CSMD1: variants seen among roughly 807,000 people sequenced by gnomAD.
CSMD1 encodes the protein CUB and sushi domain-containing protein 1.
In CSMD1, 213 loss-of-function variants were observed where a neutral mutation model predicts 417.5. The ratio of observed to expected loss-of-function variants is 0.51; its 90% confidence interval spans 0.46 to 0.57. The LOEUF is 0.57. Ranked by LOEUF, CSMD1 falls within the 20% of genes least tolerant of loss-of-function variation. The pLI, the probability that CSMD1 is intolerant of heterozygous loss-of-function variation, is 0.00. For missense variants in CSMD1, 6,923 were observed against 4,529.7 expected (o/e 1.53, Z -15.17); for synonymous variants, 2,862 against 1,736.8 (o/e 1.65, Z -16.11).
intron 6 of CSMD1, among the ~76,000 whole-genome samples, chr8:3,740,155 G>C (rs569524776): frequency 6.6e-6 from 1 of 152,182 alleles, no homozygotes; most frequent in African/African-American, 2.4e-5. Flanking sequence ...CTCCAGGCTG[G>C]AGTGCAATAG....
At chr8:4,431,192 G>C (rs762392352) in intron 2 of CSMD1, among the ~76,000 whole-genome samples, 3 of 151,970 alleles carry the variant, frequency 2.0e-5, no homozygotes, top group Admixed American at 6.6e-5. Context: ...GACCCCTAGA[G>C]TTTATTCCAG....
chr8:3,281,475 C>T (rs967441179), intron 26 of CSMD1, among the ~76,000 whole-genome samples: 1 of 152,010 alleles, frequency 6.6e-6, no homozygotes, highest in Admixed American at 6.6e-5. Context: ...AACTGTGGTA[C>T]AACAAGTCAA....
chr8:3,372,759 A>G (rs13257496), intron 18 of CSMD1, among the ~76,000 whole-genome samples: 60,617 of 151,904 alleles, frequency 0.4, 12,296 homozygotes, highest in Middle Eastern at 0.46. Flanking sequence ...GGCCGACATT[A>G]TAACAGGTTA....
At chr8:4,276,036 G>C (rs901089145) in intron 3 of CSMD1, among the ~76,000 whole-genome samples, 2 of 152,180 alleles carry the variant, frequency 1.3e-5, no homozygotes, top group African/African-American at 4.8e-5. Context: ...GTGTAAATTA[G>C]TTCAACCGTT....
At chr8:4,918,545 C>G (rs1806224264) in intron 1 of CSMD1, among the ~76,000 whole-genome samples, 1 of 152,010 alleles carries the variant, frequency 6.6e-6, no homozygotes, top group East Asian at 1.9e-4. Context: ...AAAAAAAAGC[C>G]AATTTCCAAT....
chr8:3,228,796 C>G (rs1220140241), intron 27 of CSMD1, among the ~76,000 whole-genome samples: 2 of 151,958 alleles, frequency 1.3e-5, no homozygotes, highest in East Asian at 1.9e-4. Context: ...AAAAAAAACC[C>G]TTTCCTACTG....
intron 2 of CSMD1, among the ~76,000 whole-genome samples, chr8:4,480,904 G>C (rs566283983): frequency 1.3e-5 from 2 of 152,292 alleles, no homozygotes; most frequent in South Asian, 4.1e-4. Flanking sequence ...TACATCCCTA[G>C]TTGTTGAGTT....
chr8:4,613,928 A>G (rs1211102521), intron 2 of CSMD1, among the ~76,000 whole-genome samples: 2 of 151,794 alleles, frequency 1.3e-5, no homozygotes, highest in African/African-American at 2.4e-5. Flanking sequence ...TAGTAGAGAT[A>G]GAGAAGTTTT....
intron 37 of CSMD1, among the ~76,000 whole-genome samples, chr8:3,170,580 G>C (rs1283822559): frequency 2.0e-5 from 3 of 152,164 alleles, no homozygotes; most frequent in Admixed American, 2.0e-4. Flanking sequence ...TGCATTTTAA[G>C]TCTTTTGTTT....
chr8:4,302,725 T>G (rs1488493483), intron 3 of CSMD1, among the ~76,000 whole-genome samples: 1 of 152,214 alleles, frequency 6.6e-6, no homozygotes, highest in Non-Finnish European at 1.5e-5. Context: ...CACTCTTTTC[T>G]TCTCATTAAG....
chr8:4,409,043 G>C (rs536397118), intron 3 of CSMD1, among the ~76,000 whole-genome samples: 36 of 152,244 alleles, frequency 2.4e-4, no homozygotes, highest in Non-Finnish European at 4.6e-4. Flanking sequence ...TTTGTCATTT[G>C]GGTGCACATT....
At position 3,670,228 on chromosome 8, in the gene CSMD1, A is replaced by G. The variant is rs117730913; in HGVS notation, c.1009+38186T>C. ...ACCCTCTAATCAGCTGCCAGAGAAT[A>G]CAAAGCAGGCGGAAAAATATGAAAA... On this transcript the variant is annotated intron_variant, in intron 7 of 69. Transcript: ENST00000635120. 1.7e-3 allele frequency among the ~76,000 whole-genome samples: 254 copies of G among 152,098 alleles called. 4 individuals are homozygous for G. In the East Asian group the frequency reaches 0.048, roughly 29 times the overall value.
intron 3 of CSMD1, among the ~76,000 whole-genome samples, chr8:4,399,060 C>T (rs992139274): frequency 1.3e-5 from 2 of 152,134 alleles, no homozygotes; most frequent in African/African-American, 2.4e-5. Context: ...GAATCTCAGT[C>T]GTAACATTCA....
intron 5 of CSMD1, among the ~76,000 whole-genome samples, chr8:3,989,201 T>A (rs568163512): frequency 6.6e-6 from 1 of 152,286 alleles, no homozygotes; most frequent in Admixed American, 6.5e-5. Flanking sequence ...CTCTCAGGGA[T>A]GTGGCAATCA....
chr8:4,696,894 C>T (rs1807171169), intron 1 of CSMD1, among the ~76,000 whole-genome samples: 1 of 152,204 alleles, frequency 6.6e-6, no homozygotes, highest in Admixed American at 6.5e-5. Flanking sequence ...AAAATCAGGG[C>T]CAGGTTCAGT....
rs985831928 is a variant in CSMD1, at chr8:4,452,770, C to G, written c.303-32705G>C. On this transcript the variant is annotated intron_variant, in intron 2 of 69. Coordinates refer to ENST00000635120, the MANE Select transcript of CSMD1 (RefSeq NM_033225.6). ...TCTTTCAACATATCATCCAATAACA[C>G]AAATCCAATAAAGTTTATTGGATTA... Among the ~76,000 whole-genome samples, 5 of 152,098 alleles carry G rather than the reference C, an allele frequency of 3.3e-5. No individual in the cohort carries two copies. The South Asian group carries it at 6.2e-4, about 19-fold the overall frequency.
chr8:3,471,119 T>C (rs915020048), intron 11 of CSMD1, among the ~76,000 whole-genome samples: 1 of 152,196 alleles, frequency 6.6e-6, no homozygotes, highest in Non-Finnish European at 1.5e-5. Flanking sequence ...GTTTGTACAT[T>C]CCCACCAGCA....
At chr8:4,100,528 T>C (rs139560830) in intron 3 of CSMD1, among the ~76,000 whole-genome samples, 2 of 152,208 alleles carry the variant, frequency 1.3e-5, no homozygotes, top group South Asian at 2.1e-4. Flanking sequence ...GGGTATCTTA[T>C]AGAAGTGTTG....
intron 5 of CSMD1, among the ~76,000 whole-genome samples, chr8:3,934,158 A>G (rs982665392): frequency 3.9e-5 from 6 of 152,228 alleles, no homozygotes; most frequent in South Asian, 2.1e-4. Flanking sequence ...CATATTTTAC[A>G]GAAATAACTG....
Sources: gnomAD v4.1 joint callset for allele counts (sites outside exome capture counted in the v4.1 genomes callset) on GRCh38, gnomAD v4.1.1 for gene constraint, MANE v1.5 for transcripts, NCBI Gene and HGNC (gene_info 2026-07-23, HGNC 2026-07-21) for gene names.